The following HTR4 variants were observed in gnomAD, a reference collection of about 807,000 sequenced individuals.
HTR4 encodes 5-hydroxytryptamine receptor 4, also known as 5-hydroxytryptamine (serotonin) receptor 4, G protein-coupled.
A neutral mutation model predicts 36.8 loss-of-function variants in HTR4; 16 were observed. That is an observed-to-expected ratio of 0.43 (90% CI 0.29 to 0.66). HTR4 has a LOEUF of 0.66. Ranked by LOEUF, HTR4 falls within the 30% of genes least tolerant of loss-of-function variation. HTR4 has a pLI of 0.13. For synonymous variants in HTR4, 189 were observed against 185.1 expected (o/e 1.02, Z -0.17); for missense variants, 438 against 490.9 (o/e 0.89, Z 1.02).
At chr5:148,590,387 C>A (rs1176498962) in intron 2 of HTR4, among the ~76,000 whole-genome samples, 1 of 136,510 alleles carries the variant, frequency 7.3e-6, no homozygotes, top group Non-Finnish European at 1.5e-5. Flanking sequence ...CAACCTCCAC[C>A]TCCCGGTTTC....
intron 2 of HTR4, among the ~76,000 whole-genome samples, chr5:148,581,051 C>G (rs1451428128): frequency 6.6e-6 from 1 of 151,664 alleles, no homozygotes; most frequent in Admixed American, 6.6e-5. Context: ...GCCATCCTAT[C>G]AGGTGTGAGG....
intron 1 of HTR4, among the ~76,000 whole-genome samples, chr5:148,651,759 T>C (rs1404726289): frequency 6.6e-6 from 1 of 152,098 alleles, no homozygotes; most frequent in Non-Finnish European, 1.5e-5. Flanking sequence ...TTGAATATTT[T>C]TCAATATTCA....
At chr5:148,568,510 T>A (rs2113877017) in intron 2 of HTR4, among the ~76,000 whole-genome samples, 1 of 152,246 alleles carries the variant, frequency 6.6e-6, no homozygotes, top group Non-Finnish European at 1.5e-5. Flanking sequence ...CAAGTGGTAA[T>A]GAATTACATA....
chr5:148,566,227 C>T (rs1760434355), intron 2 of HTR4, among the ~76,000 whole-genome samples: 1 of 152,052 alleles, frequency 6.6e-6, no homozygotes, highest in Admixed American at 6.6e-5. Flanking sequence ...AAGTTAAAAG[C>T]AGGTATAAAA....
At chr5:148,641,431 A>G (rs930567371) in intron 1 of HTR4, among the ~76,000 whole-genome samples, 24 of 152,222 alleles carry the variant, frequency 1.6e-4, no homozygotes, top group Admixed American at 3.9e-4. Context: ...GTCCTAGATC[A>G]TCGGAAAAAG....
chr5:148,474,627 C>T (rs182803748), downstream of HTR4, among the ~76,000 whole-genome samples: 3 of 152,268 alleles, frequency 2.0e-5, no homozygotes, highest in Admixed American at 2.0e-4. Context: ...ACTACCCTCA[C>T]GTATTGTAAA....
chr5:148,654,274 G>T lies in HTR4; in HGVS notation c.-260C>A. 4.1e-6 allele frequency: 4 copies of T among 985,246 alleles called. No homozygotes were observed. The South Asian group carries it at 1.9e-4, about 46-fold the overall frequency. The allele number at this position is 985,246 out of a possible 1,614,324, so 61.0% of individuals were successfully genotyped here. On this transcript the variant is annotated 5_prime_UTR_variant, in exon 1 of 7. The change creates a new upstream start codon in the 5' untranslated region. Coordinates refer to ENST00000377888, the MANE Select transcript of HTR4 (RefSeq NM_000870.7). ...CAGGGGCTGCGGGCGCAGGACCCCA[G>T]CCCCGGATCACCTGGGCTCGCCGCG...
At chr5:148,517,616 C>T (rs1481654614) in intron 5 of HTR4, among the ~76,000 whole-genome samples, 1 of 140,436 alleles carries the variant, frequency 7.1e-6, no homozygotes, top group East Asian at 2.1e-4. Context: ...TTTCCTTTCA[C>T]ATTCCTCTTC....
At position 148,483,280 on chromosome 5, in the gene HTR4, A is replaced by T. The variant is rs201432293; in HGVS notation, c.1090T>A (p.Cys364Ser). 125 of 1,612,932 alleles carry T rather than the reference A, an allele frequency of 7.7e-5. No individual in the cohort carries two copies. The highest frequency in any genetic ancestry group is 1.0e-4 in the Non-Finnish European group (118 of 1,179,578). Residue 364 changes from cysteine to serine, a missense_variant, in exon 7 of 7, where the codon TGT becomes AGT. Coordinates refer to ENST00000377888, the MANE Select transcript of HTR4 (RefSeq NM_000870.7). Reference sequence around the variant, plus strand: ...CACTGACTCTCCCACTGGCCACCACACTCCACTGCATCCCTAGAGAGAGGA... The same window carrying T: ...CACTGACTCTCCCACTGGCCACCACTCTCCACTGCATCCCTAGAGAGAGGA... ...STHVLRDAVECGGQWESQCHP... is the reference protein window; with the variant it reads ...STHVLRDAVESGGQWESQCHP...
chr5:148,602,891 A>C (rs999583685), intron 2 of HTR4, among the ~76,000 whole-genome samples: 2 of 152,150 alleles, frequency 1.3e-5, no homozygotes, highest in African/African-American at 4.8e-5. Flanking sequence ...ATTTAGATGA[A>C]ATGGAGAAAT....
chr5:148,647,492 C>T (rs1753907142), intron 1 of HTR4, among the ~76,000 whole-genome samples: 1 of 152,156 alleles, frequency 6.6e-6, no homozygotes, highest in Non-Finnish European at 1.5e-5. Flanking sequence ...CCTGCCACTA[C>T]CTGAACTTTA....
At chr5:148,493,242 T>C (rs1478096046) in intron 6 of HTR4, among the ~76,000 whole-genome samples, 1 of 152,220 alleles carries the variant, frequency 6.6e-6, no homozygotes, top group Admixed American at 6.5e-5. Context: ...CCAGTGCATA[T>C]ACAGGAATCC....
intron 6 of HTR4, chr5:148,490,938 T>A: frequency 2.4e-6 from 1 of 421,042 alleles, no homozygotes; most frequent in South Asian, 1.7e-5. Context: ...TTATATGTCA[T>A]AAATTCTGTA....
chr5:148,642,849 G>A (rs1753768805), intron 1 of HTR4, among the ~76,000 whole-genome samples: 1 of 151,862 alleles, frequency 6.6e-6, no homozygotes, highest in African/African-American at 2.4e-5. Flanking sequence ...TTAATCAGCT[G>A]ATACATTCTC....
chr5:148,559,690 T>G (rs1435045123), intron 2 of HTR4, among the ~76,000 whole-genome samples: 1 of 152,148 alleles, frequency 6.6e-6, no homozygotes, highest in Non-Finnish European at 1.5e-5. Context: ...GTTCAATGAC[T>G]GCGAGCTAGC....
intron 2 of HTR4, among the ~76,000 whole-genome samples, chr5:148,576,515 A>T (rs915473541): frequency 2.6e-5 from 4 of 152,112 alleles, no homozygotes; most frequent in African/African-American, 9.7e-5. Flanking sequence ...AGCCAAGGCA[A>T]TCCTAAGCAA....
intron 2 of HTR4, among the ~76,000 whole-genome samples, chr5:148,630,836 T>G (rs1753297225): frequency 6.6e-6 from 1 of 152,088 alleles, no homozygotes; most frequent in African/African-American, 2.4e-5. Context: ...ACACCAAAAC[T>G]GAAGGCTCAG....
chr5:148,575,861 A>G (rs1581497206), intron 2 of HTR4, among the ~76,000 whole-genome samples: 1 of 152,012 alleles, frequency 6.6e-6, no homozygotes, highest in Admixed American at 6.6e-5. Flanking sequence ...CCCATGCAAC[A>G]TAATATTGGA....
At chr5:148,627,686 T>C (rs1258868233) in intron 2 of HTR4, among the ~76,000 whole-genome samples, 1 of 152,172 alleles carries the variant, frequency 6.6e-6, no homozygotes, top group Non-Finnish European at 1.5e-5. Context: ...TCTTTAAAAA[T>C]GCAAATAAGA....
Sources: gnomAD v4.1 joint callset for allele counts (sites outside exome capture counted in the v4.1 genomes callset) on GRCh38, gnomAD v4.1.1 for gene constraint, MANE v1.5 for transcripts, NCBI Gene and HGNC (gene_info 2026-07-23, HGNC 2026-07-21) for gene names.